The following KMT2C variants were observed in gnomAD, a reference collection of about 807,000 sequenced individuals.
The protein encoded by KMT2C is histone-lysine N-methyltransferase 2C.
Under a neutral mutation model 507.9 loss-of-function variants are expected in KMT2C, and 88 were observed. The observed-to-expected ratio is 0.17, with a 90% confidence interval of 0.15 to 0.21. The LOEUF is 0.21. Among genes scored for constraint, KMT2C ranks in the 10% least tolerant of loss-of-function variants. The pLI is 1.00. For missense variants in KMT2C, 4,954 were observed against 5,957.8 expected, an observed-to-expected ratio of 0.83 and a Z score of 5.55; for synonymous variants, 2,049 against 2,080.8, an observed-to-expected ratio of 0.98 and a Z score of 0.42.
chr7:152,249,705 CA>C, intron 13 of KMT2C, among the ~76,000 whole-genome samples, 170 bp downstream of exon 13: 1 of 120,508 alleles, frequency 8.3e-6, no homozygotes, highest in African/African-American at 3.4e-5. Context: ...AAAAACCTTT[CA>C]AGAGAAACTA....
chr7:152,278,154 T>C (rs1262495430), intron 6 of KMT2C, among the ~76,000 whole-genome samples: 2 of 152,028 alleles, frequency 1.3e-5, no homozygotes, highest in African/African-American at 2.4e-5. Flanking sequence ...AACGAGTGAG[T>C]TCTCACAAGA....
At chr7:152,335,987 C>A (rs1460955051) in intron 2 of KMT2C, among the ~76,000 whole-genome samples, 1 of 151,864 alleles carries the variant, frequency 6.6e-6, no homozygotes, top group Non-Finnish European at 1.5e-5. Context: ...AGAAGACAGG[C>A]TTTCAGAGTT....
rs759674872 is a variant in KMT2C, at chr7:152,309,998, C to T, written c.817G>A (p.Val273Met). The change falls in exon 6 of 59, where the codon GTG becomes ATG. Residue 273 changes from valine to methionine, a missense_variant. Around this residue, in one of 29 missense-constraint regions of KMT2C, gnomAD observed 24 missense variants for 82.7 expected, o/e 0.29. Coordinates refer to ENST00000262189, the MANE Select transcript of KMT2C (RefSeq NM_170606.3). ...CQMEEPLLVNVDKAVVSGSTE... is the reference protein window; with the variant it reads ...CQMEEPLLVNMDKAVVSGSTE... ...CTCCCTGAGACAACAGCTTTGTCCA[C>T]GTTCACTAACAATGGTTCTTCCATC... 2 of 1,613,234 alleles carry T rather than the reference C, an allele frequency of 1.2e-6. No individual in the cohort carries two copies. Among genetic ancestry groups the T allele is most frequent in the Non-Finnish European group, 1.7e-6 (2 of 1,179,228 alleles).
intron 2 of KMT2C, among the ~76,000 whole-genome samples, chr7:152,340,212 T>A (rs1208419478): frequency 6.6e-6 from 1 of 150,624 alleles, no homozygotes; most frequent in Admixed American, 6.6e-5. Flanking sequence ...GGTCTCGAAC[T>A]CCTGGGCTCC....
chr7:152,145,099 C>T, intron 54 of KMT2C, 54 bp downstream of exon 54: 1 of 1,581,042 alleles, frequency 6.3e-7, no homozygotes, highest in Non-Finnish European at 8.6e-7. Context: ...CACAGGAAAC[C>T]ACTAATACGC....
At chr7:152,149,340 G>A (rs2091418427) in intron 51 of KMT2C, among the ~76,000 whole-genome samples, 188 bp from the exon 52 acceptor site, 1 of 152,192 alleles carries the variant, frequency 6.6e-6, no homozygotes, top group African/African-American at 2.4e-5. Context: ...AGGTGCACAG[G>A]GATAGAGAGC....
chr7:152,249,889 A>T lies in KMT2C; in HGVS notation c.1800T>A (p.Ser600Arg), dbSNP rs780677333. ...SHPSESLDTD[S>R]LLIAVSSQHT... is the part of the protein sequence containing the mutation. ...CATACTGCTTACCAGCAATAAGAAG[A>T]CTATCTGTGTCAAGACTTTCTGAGG... is the stretch of plus-strand genomic sequence containing the variant. Residue 600 changes from serine (S) to arginine (R), a missense_variant, in exon 13 of 59, where the codon AGT (serine) becomes AGA (arginine). Physicochemically the swap from Ser to Arg is moderately radical, Grantham distance 110. Coordinates refer to ENST00000262189, the MANE Select transcript of KMT2C (RefSeq NM_170606.3). The T allele has an allele frequency of 8.2e-6, 13 of 1,591,238 alleles. No individual in the cohort carries two copies. The African/African-American group carries it at 1.6e-4, about 20-fold the overall frequency.
At chr7:152,367,734 C>T (rs1430942553) in intron 1 of KMT2C, 1 of 1,160,366 alleles carries the variant, frequency 8.6e-7, no homozygotes, top group African/African-American at 1.5e-5. Flanking sequence ...TTGCTGGCAG[C>T]CTCTTATCGA....
At chr7:152,186,184 T>C (rs2093622462) in intron 33 of KMT2C, among the ~76,000 whole-genome samples, 1 of 152,218 alleles carries the variant, frequency 6.6e-6, no homozygotes, top group African/African-American at 2.4e-5. Flanking sequence ...TATTCCACAT[T>C]ACAAAAAGAA....
rs764187303 is a variant in KMT2C at position 152,176,695 on chromosome 7, T to C, written c.8758A>G (p.Ser2920Gly). ...GITGSTPVLS[S>G]LLANEKSDNS... is the part of the protein sequence containing the mutation. ...TCAGATTTCTCATTAGCAAGTAAACTTGAGAGAACTGGAGTTGATCCAGTT... is the reference window on the plus strand; with the variant it reads ...TCAGATTTCTCATTAGCAAGTAAACCTGAGAGAACTGGAGTTGATCCAGTT... Residue 2920 changes from serine to glycine, a missense_variant, in exon 38 of 59, where the codon AGT becomes GGT. By Grantham distance (56) the Ser-to-Gly change is moderately conservative. Around this residue, in one of 29 missense-constraint regions of KMT2C, gnomAD observed 1,689 missense variants for 1,654.3 expected, o/e 1.02. Transcript: ENST00000262189. 6.2e-7 allele frequency: 1 copy of C among 1,614,164 alleles called. No individual in the cohort carries two copies. Among genetic ancestry groups the C allele is most frequent in the Non-Finnish European group, 8.5e-7 (1 of 1,180,034 alleles).
chr7:152,287,628 C>G (rs1305093502), intron 6 of KMT2C, among the ~76,000 whole-genome samples: 2 of 152,186 alleles, frequency 1.3e-5, no homozygotes, highest in Admixed American at 6.5e-5. Flanking sequence ...CCAGGAAAAT[C>G]TGAACAGGAA....
At chr7:152,294,007 C>T (rs1265761054) in intron 6 of KMT2C, among the ~76,000 whole-genome samples, 5 of 150,386 alleles carry the variant, frequency 3.3e-5, no homozygotes, top group Non-Finnish European at 7.4e-5. Context: ...TACAGGTGTG[C>T]ACCACCACAC....
At chr7:152,327,034 T>C (rs898845876) in intron 3 of KMT2C, among the ~76,000 whole-genome samples, 1 of 152,220 alleles carries the variant, frequency 6.6e-6, no homozygotes, top group African/African-American at 2.4e-5. Flanking sequence ...ATGCTGGCTT[T>C]CTCAGTGTAC....
At chr7:152,178,094 T>C in intron 37 of KMT2C, 84 bp from the exon 38 acceptor site, 1 of 1,296,714 alleles carries the variant, frequency 7.7e-7, no homozygotes, top group Non-Finnish European at 9.9e-7. Flanking sequence ...AAGAAAAGTC[T>C]TCAATTAAAC....
chr7:152,178,026 A>T lies in KMT2C; in HGVS notation c.7443-16T>A, dbSNP rs753376408. On this transcript the variant is annotated splice_polypyrimidine_tract_variant and intron_variant, in intron 37 of 58. Coordinates refer to ENST00000262189, the MANE Select transcript of KMT2C (RefSeq NM_170606.3). ...AAATCCAAATCTTTTAAAAAAAAAA[A>T]AAAAAAAAAAAAAAAAGCAAATAGG... 224 of 1,386,802 alleles carry T rather than the reference A, an allele frequency of 1.6e-4. 5 individuals carry two copies. The African/African-American group carries it at 3.0e-3, about 19-fold the overall frequency. 85.9% of individuals were successfully genotyped at this position (1,386,802 alleles called of 1,614,324 possible). A position where few individuals can be genotyped will look rare whatever the true frequency, so the allele number is the denominator to read the frequency against.
At chr7:152,347,160 A>C (rs2097068195) in intron 2 of KMT2C, among the ~76,000 whole-genome samples, 1 of 152,144 alleles carries the variant, frequency 6.6e-6, no homozygotes, top group Non-Finnish European at 1.5e-5. Context: ...GAGAAAATAC[A>C]TTTACAAGAC....
chr7:152,309,911 T>C (rs2096655496), intron 6 of KMT2C, 55 bp downstream of exon 6: 1 of 1,091,550 alleles, frequency 9.2e-7, no homozygotes, highest in Non-Finnish European at 1.4e-6. Context: ...AGTGAACTTC[T>C]GATTAAAGTG....
chr7:152,331,974 T>C (rs1015832165), intron 2 of KMT2C, among the ~76,000 whole-genome samples: 3 of 152,306 alleles, frequency 2.0e-5, no homozygotes, highest in African/African-American at 7.2e-5. Flanking sequence ...TTCAGGATTA[T>C]AGCAATTGGT....
intron 1 of KMT2C, among the ~76,000 whole-genome samples, chr7:152,380,504 G>A (rs2097364396): frequency 6.6e-6 from 1 of 151,488 alleles, no homozygotes; most frequent in South Asian, 2.1e-4. Context: ...GGAGGCAGAG[G>A]TTGCAGTGAG....
Sources: allele counts gnomAD v4.1 joint callset (sites outside exome capture counted in the v4.1 genomes callset), GRCh38; gene constraint gnomAD v4.1.1; regional missense constraint gnomAD v4.1.1; transcripts MANE v1.5; gene names NCBI Gene and HGNC (gene_info 2026-07-23, HGNC 2026-07-21).